The following CTNNA3 variants were observed in gnomAD, a reference collection of about 807,000 sequenced individuals.
CTNNA3 encodes catenin alpha-3.
Under a neutral mutation model 95.7 loss-of-function variants are expected in CTNNA3, and 76 were observed. The ratio of observed to expected loss-of-function variants is 0.79; its 90% CI spans 0.66 to 0.96. The LOEUF (loss-of-function observed/expected upper bound fraction) is 0.96, where lower values mean the gene tolerates loss of function less well. Among genes scored for constraint, CTNNA3 ranks in the 40% least tolerant of loss-of-function variants. The pLI, the probability that CTNNA3 is intolerant of heterozygous loss-of-function variation, is 0.00. For synonymous variants in CTNNA3, 431 were observed against 374.4 expected (o/e 1.15, Z -1.74); for missense variants, 1,191 against 1,089.8 (o/e 1.09, Z -1.31).
intron 11 of CTNNA3, among the ~76,000 whole-genome samples, chr10:66,475,699 A>G (rs1468641824): frequency 1.3e-5 from 2 of 152,152 alleles, no homozygotes; most frequent in Non-Finnish European, 2.9e-5. Flanking sequence ...CAATCATTAA[A>G]AAGTCAAGAA....
chr10:66,836,147 C>A (rs1030213578), intron 7 of CTNNA3, among the ~76,000 whole-genome samples: 1 of 152,148 alleles, frequency 6.6e-6, no homozygotes, highest in African/African-American at 2.4e-5. Context: ...CTATATTAAG[C>A]TACAACATGA....
chr10:66,317,261 C>T (rs529364692), intron 12 of CTNNA3, among the ~76,000 whole-genome samples: 12 of 152,142 alleles, frequency 7.9e-5, no homozygotes, highest in African/African-American at 2.9e-4. Flanking sequence ...CAGCACATGC[C>T]TTTGAATAAT....
intron 13 of CTNNA3, among the ~76,000 whole-genome samples, chr10:66,119,529 T>C (rs1208188134): frequency 6.6e-6 from 1 of 152,186 alleles, no homozygotes; most frequent in Non-Finnish European, 1.5e-5. Context: ...TTACTCCTCA[T>C]GCTGTTTTAT....
chr10:67,520,604 T>C (rs970680358), intron 5 of CTNNA3, among the ~76,000 whole-genome samples: 1 of 152,134 alleles, frequency 6.6e-6, no homozygotes, highest in Non-Finnish European at 1.5e-5. Context: ...TTAATTTTTT[T>C]AAAAAAACAA....
intron 14 of CTNNA3, among the ~76,000 whole-genome samples, chr10:66,078,388 G>A (rs2080618441): frequency 6.6e-6 from 1 of 151,776 alleles, no homozygotes; most frequent in South Asian, 2.1e-4. Context: ...TCAGAATCAA[G>A]GTTTTCCTTT....
chr10:67,016,079 C>A (rs569568060), intron 7 of CTNNA3, among the ~76,000 whole-genome samples: 5 of 151,990 alleles, frequency 3.3e-5, no homozygotes, highest in Non-Finnish European at 2.9e-5. Context: ...TTTTAGAATA[C>A]GTATTTGTTG....
rs56013857 is a variant in CTNNA3 at position 66,711,258 on chromosome 10, C to CAAA, written c.1281+55003_1281+55005dup. 4.1e-3 allele frequency among the ~76,000 whole-genome samples: 480 copies of CAAA among 118,122 alleles called. 6 individuals carry two copies. Among genetic ancestry groups the CAAA allele is most frequent in the African/African-American group, 0.014 (437 of 31,134 alleles). 77.5% of individuals were successfully genotyped at this position (118,122 alleles called of 152,430 possible). A position where few individuals can be genotyped will look rare whatever the true frequency, so the allele number is the denominator to read the frequency against. On this transcript the variant is annotated intron_variant, in intron 9 of 17. Transcript: ENST00000433211. The stretch of plus-strand genomic sequence containing the variant: ...TCAGCCTTTCACCGTGAACAAGAAA[C>CAAA]AAAAAAAAAAAAAAAAAAGTAAGAA...
chr10:65,920,496 G>C lies in CTNNA3; in HGVS notation c.2522C>G (p.Pro841Arg). ...KIIRIQSPAG[P>R]RHPVVMWRMK... is the part of the protein sequence containing the mutation. ...TCTCCACATCACAACTGGGTGCCGG[G>C]GCCCAGCAGGACTCTGGATTCGGAT... Residue 841 changes from proline to arginine, a missense_variant, in exon 18 of 18, where the codon CCC (proline) becomes CGC (arginine). Pro to Arg is a moderately radical substitution (Grantham distance 103). Transcript: ENST00000433211. 1 of 1,614,102 alleles carries C rather than the reference G, an allele frequency of 6.2e-7. No homozygotes were observed. The highest frequency in any genetic ancestry group is 8.5e-7 in the Non-Finnish European group (1 of 1,180,026).
chr10:66,898,877 C>G (rs1845608116), intron 7 of CTNNA3, among the ~76,000 whole-genome samples: 1 of 152,096 alleles, frequency 6.6e-6, no homozygotes, highest in South Asian at 2.1e-4. Flanking sequence ...CTACATCAGG[C>G]TTAAAAGCTT....
intron 12 of CTNNA3, among the ~76,000 whole-genome samples, chr10:66,302,652 T>C (rs1265505086): frequency 1.3e-5 from 2 of 152,152 alleles, no homozygotes; most frequent in African/African-American, 4.8e-5. Context: ...ACCATGATAA[T>C]GTAAGATGTT....
At chr10:67,719,932 T>C (rs563578323) in intron 1 of CTNNA3, among the ~76,000 whole-genome samples, 4 of 151,908 alleles carry the variant, frequency 2.6e-5, no homozygotes, top group Non-Finnish European at 5.9e-5. Flanking sequence ...TGTGTGGAAA[T>C]CTAAGTCTCT....
chr10:67,010,480 T>C (rs1381696950), intron 7 of CTNNA3, among the ~76,000 whole-genome samples: 1 of 152,222 alleles, frequency 6.6e-6, no homozygotes, highest in Non-Finnish European at 1.5e-5. Flanking sequence ...ATTTTTGGCT[T>C]ATCACCTCAT....
chr10:67,152,481 A>T (rs539495535), intron 7 of CTNNA3, among the ~76,000 whole-genome samples: 1 of 152,324 alleles, frequency 6.6e-6, no homozygotes, highest in East Asian at 1.9e-4. Flanking sequence ...ATAAATGTGG[A>T]TTTATTTCAT....
intron 11 of CTNNA3, among the ~76,000 whole-genome samples, chr10:66,487,181 ATTTTTTTTTTTTTTTTTTTTTTT>A (rs60547696): frequency 6.5e-5 from 3 of 45,986 alleles, no homozygotes; most frequent in African/African-American, 1.8e-4. Context: ...AAAAGGGCAG[ATTTTTTTTTTTTTTTTTTTTTTT>A]TTTTTTTTTT....
intron 7 of CTNNA3, among the ~76,000 whole-genome samples, chr10:67,020,013 AT>A: frequency 3.7e-5 from 1 of 27,012 alleles, no homozygotes; most frequent in South Asian, 4.1e-3. Context: ...TAATACCAAT[AT>A]CAACTGCTTT....
At chr10:66,356,099 C>T (rs1388388191) in intron 12 of CTNNA3, among the ~76,000 whole-genome samples, 1 of 148,494 alleles carries the variant, frequency 6.7e-6, no homozygotes, top group Admixed American at 6.7e-5. Flanking sequence ...ACAGTGGATG[C>T]TCCAAATTTG....
intron 5 of CTNNA3, among the ~76,000 whole-genome samples, chr10:67,493,117 G>C (rs564882182): frequency 6.6e-6 from 1 of 151,440 alleles, no homozygotes; most frequent in South Asian, 2.1e-4. Flanking sequence ...TTTAAAGGTA[G>C]TTTTGTTTTG....
chr10:66,831,886 C>A (rs185233328), intron 7 of CTNNA3, among the ~76,000 whole-genome samples: 1 of 152,026 alleles, frequency 6.6e-6, no homozygotes. Context: ...AGACATAGTT[C>A]AAGCTTTCAA....
intron 10 of CTNNA3, among the ~76,000 whole-genome samples, chr10:66,581,686 C>G (rs923038943): frequency 6.6e-6 from 1 of 151,550 alleles, no homozygotes; most frequent in East Asian, 1.9e-4. Flanking sequence ...GTTGGATTTG[C>G]TTTTAGGGGT....
Sources: gnomAD v4.1 joint callset for allele counts (sites outside exome capture counted in the v4.1 genomes callset) on GRCh38, gnomAD v4.1.1 for gene constraint, MANE v1.5 for transcripts, NCBI Gene and HGNC (gene_info 2026-07-23, HGNC 2026-07-21) for gene names.